ANXA13: variants seen among roughly 807,000 people sequenced by gnomAD.
The protein encoded by ANXA13 is annexin XIII.
A neutral mutation model predicts 46.6 loss-of-function variants in ANXA13; 36 were observed. The observed-to-expected ratio is 0.77, with a 90% CI of 0.59 to 1.02. The LOEUF is 1.02. Ranked by LOEUF, ANXA13 falls within the 50% of genes least tolerant of loss-of-function variation. The pLI is 0.00. For synonymous variants in ANXA13, 163 were observed against 152.9 expected (o/e 1.07, Z -0.49); for missense variants, 417 against 396.5 (o/e 1.05, Z -0.44).
chr8:123,727,752 CG>C (rs1814029778), intron 1 of ANXA13: 1 of 150,730 alleles, frequency 6.6e-6, no homozygotes, highest in Admixed American at 6.7e-5. Flanking sequence ...ATTCTGTCAA[CG>C]GGTCTCTTTA....
At chr8:123,721,424 A>G (rs1813869565) in intron 1 of ANXA13, among the ~76,000 whole-genome samples, 1 of 152,170 alleles carries the variant, frequency 6.6e-6, no homozygotes, top group Non-Finnish European at 1.5e-5. Flanking sequence ...AAAGATGGTA[A>G]TAATAGTACC....
chr8:123,682,696 C>A (rs1021553000), intron 10 of ANXA13, among the ~76,000 whole-genome samples: 2 of 152,104 alleles, frequency 1.3e-5, no homozygotes, highest in Non-Finnish European at 2.9e-5. Flanking sequence ...TGGCTCCTTG[C>A]CCCGTGCTGG....
At position 123,719,848 on chromosome 8, in the gene ANXA13, C is replaced by T. The variant is rs747362822; in HGVS notation, c.16-7095G>A. ...GTACCACCTTGGGCAAGCTGATTCA[C>T]GTCTCTGAGCCTTAGTTGTCTCATC... On this transcript the variant is annotated intron_variant, in intron 1 of 10. Coordinates refer to ENST00000419625, the MANE Select transcript of ANXA13 (RefSeq NM_004306.4). Among the ~76,000 whole-genome samples the T allele has an allele frequency of 7.9e-5, 12 of 152,170 alleles. 1 individual carries two copies. Among genetic ancestry groups the T allele is most frequent in the Admixed American group, 4.6e-4 (7 of 15,284 alleles).
intron 2 of ANXA13, among the ~76,000 whole-genome samples, chr8:123,709,044 G>A (rs891566964): frequency 1.3e-5 from 2 of 152,178 alleles, no homozygotes; most frequent in Non-Finnish European, 2.9e-5. Context: ...CACGGGTTCT[G>A]GGGGGATATA....
chr8:123,688,901 C>T lies in ANXA13; in HGVS notation c.688G>A (p.Gly230Ser). The stretch of plus-strand genomic sequence containing the variant: ...GTTAAATAGGCCTTCTGCAAGTCGC[C>T]TGATGTTTCTTCTTCAATGGCTTCT... ...IEEAIEEETS[G>S]DLQKAYLTLV... The change falls in exon 9 of 11, where the codon GGC becomes AGC. Residue 230 changes from glycine to serine, a missense_variant. Gly to Ser is a moderately conservative substitution (Grantham distance 56). Coordinates refer to ENST00000419625, the MANE Select transcript of ANXA13 (RefSeq NM_004306.4). 6.2e-7 allele frequency: 1 copy of T among 1,613,888 alleles called. No individual in the cohort carries two copies. The highest frequency in any genetic ancestry group is 8.5e-7 in the Non-Finnish European group (1 of 1,179,878).
intron 1 of ANXA13, among the ~76,000 whole-genome samples, chr8:123,714,941 G>A (rs566065820): frequency 1.3e-5 from 2 of 152,350 alleles, no homozygotes; most frequent in East Asian, 3.9e-4. Flanking sequence ...ACTGAACCCA[G>A]CTCAATTTGC....
intron 8 of ANXA13, among the ~76,000 whole-genome samples, chr8:123,692,232 G>T (rs1813256731): frequency 6.6e-6 from 1 of 152,194 alleles, no homozygotes; most frequent in African/African-American, 2.4e-5. Flanking sequence ...CTACCAACTT[G>T]CTGTGTGGTC....
intron 1 of ANXA13, among the ~76,000 whole-genome samples, chr8:123,718,819 C>G (rs979483356): frequency 1.3e-5 from 2 of 152,192 alleles, no homozygotes; most frequent in African/African-American, 4.8e-5. Flanking sequence ...GCAGAAAACA[C>G]CTACGTTGAG....
intron 3 of ANXA13, among the ~76,000 whole-genome samples, chr8:123,702,296 T>C (rs1813459691): frequency 6.6e-6 from 1 of 152,118 alleles, no homozygotes; most frequent in Admixed American, 6.5e-5. Context: ...TTATGAAAAA[T>C]TCCTGTATAA....
At chr8:123,723,808 A>G (rs1461259770) in intron 1 of ANXA13, among the ~76,000 whole-genome samples, 1 of 152,114 alleles carries the variant, frequency 6.6e-6, no homozygotes, top group African/African-American at 2.4e-5. Flanking sequence ...AGACTGTAAG[A>G]CTTTTGGAGG....
intron 6 of ANXA13, 135 bp downstream of exon 6, chr8:123,695,367 G>A: frequency 2.9e-6 from 2 of 691,680 alleles, no homozygotes; most frequent in Non-Finnish European, 2.5e-6. Flanking sequence ...ATGGAGCATG[G>A]GTTGATAATC....
At chr8:123,714,239 C>T (rs1002004160) in intron 1 of ANXA13, among the ~76,000 whole-genome samples, 43 of 152,142 alleles carry the variant, frequency 2.8e-4, no homozygotes, top group African/African-American at 1.0e-3. Context: ...TTTGTCCTGC[C>T]CTTGGTCACC....
At chr8:123,732,012 T>C (rs1279160928) in intron 1 of ANXA13, among the ~76,000 whole-genome samples, 1 of 152,092 alleles carries the variant, frequency 6.6e-6, no homozygotes, top group Non-Finnish European at 1.5e-5. Context: ...TGGAGAAAGC[T>C]CAGGGAAGGG....
At chr8:123,728,610 G>A (rs965470247) in intron 1 of ANXA13, 1 of 152,218 alleles carries the variant, frequency 6.6e-6, no homozygotes, top group African/African-American at 2.4e-5. Flanking sequence ...TGGGGGCTGA[G>A]CGGGGCCTTC....
chr8:123,736,982 G>A (rs1814281331), intron 1 of ANXA13, among the ~76,000 whole-genome samples: 1 of 150,850 alleles, frequency 6.6e-6, no homozygotes, highest in Non-Finnish European at 1.5e-5. Context: ...CTGAGTAGCT[G>A]GGACTACAGG....
chr8:123,722,659 G>C (rs1813906357), intron 1 of ANXA13, among the ~76,000 whole-genome samples: 1 of 152,212 alleles, frequency 6.6e-6, no homozygotes, highest in Non-Finnish European at 1.5e-5. Context: ...TATTCCTTCT[G>C]ATGCTAATAG....
intron 4 of ANXA13, among the ~76,000 whole-genome samples, chr8:123,697,545 C>T (rs918131800): frequency 1.4e-4 from 22 of 152,192 alleles, no homozygotes; most frequent in African/African-American, 5.3e-4. Flanking sequence ...GAACGTGGCC[C>T]AGCACCCAGG....
chr8:123,696,164 A>G (rs1813333073), intron 4 of ANXA13, among the ~76,000 whole-genome samples: 1 of 151,934 alleles, frequency 6.6e-6, no homozygotes, highest in African/African-American at 2.4e-5. Flanking sequence ...TATAGGTGTC[A>G]TGTGTTTAGC....
intron 1 of ANXA13, among the ~76,000 whole-genome samples, chr8:123,716,426 G>T (rs1813760276): frequency 6.6e-6 from 1 of 152,140 alleles, no homozygotes; most frequent in African/African-American, 2.4e-5. Flanking sequence ...ACCATCAGCA[G>T]GGCAGGTTGA....
Sources: allele counts gnomAD v4.1 joint callset (sites outside exome capture counted in the v4.1 genomes callset), GRCh38; gene constraint gnomAD v4.1.1; transcripts MANE v1.5; gene names NCBI Gene and HGNC (gene_info 2026-07-23, HGNC 2026-07-21).